Variants in UVSSA observed in about 807,000 individuals in gnomAD.
UVSSA encodes UV-stimulated scaffold protein A.
A neutral mutation model predicts 73.9 loss-of-function variants in UVSSA; 72 were observed. The observed-to-expected ratio is 0.97, with a 90% CI of 0.81 to 1.19. UVSSA has a LOEUF of 1.19. UVSSA is among the 50% of genes most tolerant of loss of function. UVSSA has a pLI of 0.00. For synonymous variants in UVSSA, 454 were observed against 391.3 expected (o/e 1.16, Z -1.89); for missense variants, 1,150 against 965.0 (o/e 1.19, Z -2.54).
At chr4:1,359,607 T>C (rs1403947859) in intron 7 of UVSSA, 1 of 152,242 alleles carries the variant, frequency 6.6e-6, no homozygotes, top group East Asian at 1.9e-4. Flanking sequence ...TTTCCGTGGC[T>C]GAAAGATACG....
At chr4:1,379,417 C>A (rs1051876178) in intron 10 of UVSSA, among the ~76,000 whole-genome samples, 1 of 152,258 alleles carries the variant, frequency 6.6e-6, no homozygotes, top group Non-Finnish European at 1.5e-5. Flanking sequence ...CATCCCATGG[C>A]ATCCGCCGGA....
chr4:1,381,302 C>G (rs1719470120), intron 12 of UVSSA, among the ~76,000 whole-genome samples: 1 of 152,250 alleles, frequency 6.6e-6, no homozygotes, highest in Non-Finnish European at 1.5e-5. Context: ...CTCGTGTTTT[C>G]AGGCAGGTGA....
rs758153489 is a variant in UVSSA at position 1,351,716 on chromosome 4, T to A, written c.431T>A (p.Val144Glu). 49 of 1,612,826 alleles carry A rather than the reference T, an allele frequency of 3.0e-5. No individual in the cohort carries two copies. In the Admixed American group the frequency reaches 8.0e-4, roughly 26 times the overall value. ...GYHFLRHNKK[V>E]DFQDTNARSL... ...TAGTCTTTATTTTCAATTGCTCAGG[T>A]GGATTTTCAAGACACGAATGCTCGG... The change falls in exon 4 of 14, where the codon GTG becomes GAG. Residue 144 changes from valine (V) to glutamate (E), a missense_variant and splice_region_variant. By Grantham distance (121) the Val-to-Glu change is moderately radical. Coordinates refer to ENST00000389851, the MANE Select transcript of UVSSA (RefSeq NM_020894.4).
At chr4:1,394,271 C>T in exon 14 of UVSSA, 1 of 786,558 alleles carries the variant, frequency 1.3e-6, no homozygotes, top group Non-Finnish European at 2.0e-6. Context: ...ATCTTCCTTT[C>T]ATGAGTTATG....
downstream of UVSSA, chr4:1,389,878 C>G (rs1720364798): frequency 1.3e-5 from 2 of 152,154 alleles, no homozygotes; most frequent in Admixed American, 1.3e-4. Flanking sequence ...TTTTACTCCC[C>G]TTAGTCTAGC....
intron 10 of UVSSA, among the ~76,000 whole-genome samples, chr4:1,376,650 A>G (rs944101271): frequency 6.6e-6 from 1 of 152,064 alleles, no homozygotes; most frequent in Admixed American, 6.5e-5. Flanking sequence ...CCCTCACCGC[A>G]CTGGCCTCTT....
intron 13 of UVSSA, chr4:1,385,528 C>T: frequency 3.1e-6 from 1 of 324,596 alleles, no homozygotes; most frequent in Non-Finnish European, 5.9e-6. Flanking sequence ...GAGGCCGCTC[C>T]CCGGGAGGCC....
chr4:1,345,648 A>G (rs1368769515), upstream of UVSSA, among the ~76,000 whole-genome samples: 3 of 58,854 alleles, frequency 5.1e-5, no homozygotes, highest in African/African-American at 1.3e-4. Flanking sequence ...TTGTCTCAAA[A>G]AAAAAAAAAA....
chr4:1,391,356 G>C (rs965950228), downstream of UVSSA: 2 of 152,298 alleles, frequency 1.3e-5, no homozygotes, highest in African/African-American at 2.4e-5. Context: ...TTGGTTTGTA[G>C]TCTGATTGTT....
intron 8 of UVSSA, among the ~76,000 whole-genome samples, chr4:1,367,122 A>G (rs1717435369): frequency 6.6e-6 from 1 of 152,192 alleles, no homozygotes; most frequent in Non-Finnish European, 1.5e-5. Context: ...ACTCCACGGC[A>G]AGGGGCTCTT....
rs1183090865 is a variant in UVSSA at position 1,386,857 on chromosome 4, A to G, written c.*896A>G. 31 of 152,022 alleles carry G rather than the reference A, an allele frequency of 2.0e-4. No individual in the cohort carries two copies. The highest frequency in any genetic ancestry group is 1.9e-3 in the Admixed American group (29 of 15,248). 9.4% of individuals were successfully genotyped at this position (152,022 alleles called of 1,614,324 possible). ...GTCAGCCTCCCAGGTAGCTGGGACT[A>G]CAGGCACACACCACAACACCTGGCT... On this transcript the variant is annotated 3_prime_UTR_variant, in exon 14 of 14. Coordinates refer to ENST00000389851, the MANE Select transcript of UVSSA (RefSeq NM_020894.4).
intron 8 of UVSSA, among the ~76,000 whole-genome samples, chr4:1,371,056 C>T (rs900960009): frequency 3.9e-5 from 6 of 152,226 alleles, no homozygotes; most frequent in African/African-American, 7.2e-5. Flanking sequence ...ATTCCCGGCT[C>T]TGCACATTGG....
At chr4:1,360,082 C>T (rs183801564) in intron 7 of UVSSA, among the ~76,000 whole-genome samples, 1 of 152,352 alleles carries the variant, frequency 6.6e-6, no homozygotes, top group East Asian at 1.9e-4. Context: ...TTGTACCGCC[C>T]TAGGGCTGGG....
intron 4 of UVSSA, among the ~76,000 whole-genome samples, chr4:1,352,064 T>A (rs1714851438): frequency 1.3e-5 from 2 of 152,254 alleles, no homozygotes; most frequent in African/African-American, 2.4e-5. Context: ...GCCCGTTCGC[T>A]GCGCGGACCT....
chr4:1,370,243 C>T (rs1560465010), intron 8 of UVSSA, among the ~76,000 whole-genome samples: 1 of 152,228 alleles, frequency 6.6e-6, no homozygotes, highest in African/African-American at 2.4e-5. Flanking sequence ...TTGCCTCCGT[C>T]ACTGTGAGCA....
intron 7 of UVSSA, 83 bp downstream of exon 7, chr4:1,355,328 C>A: frequency 7.2e-7 from 1 of 1,396,872 alleles, no homozygotes; most frequent in Non-Finnish European, 9.8e-7. Context: ...GTGCCCTGGG[C>A]CTGTGGGCCC....
intron 9 of UVSSA, among the ~76,000 whole-genome samples, chr4:1,375,778 G>A (rs913799266): frequency 3.9e-5 from 6 of 152,252 alleles, no homozygotes; most frequent in African/African-American, 1.4e-4. Context: ...CAGGGCTGGG[G>A]TTTGAGAGGC....
chr4:1,371,131 C>A (rs1717976207), intron 8 of UVSSA, among the ~76,000 whole-genome samples: 1 of 152,160 alleles, frequency 6.6e-6, no homozygotes. Context: ...TCAGTGACAG[C>A]ATGCCTGTAA....
In UVSSA at chr4:1,364,342, G is replaced by A. The variant is rs1177303703; in HGVS notation, c.1177-1978G>A. 2.6e-4 allele frequency among the ~76,000 whole-genome samples: 39 copies of A among 149,396 alleles called. 5 individuals are homozygous for A. The highest frequency in any genetic ancestry group is 3.5e-3 in the Middle Eastern group (1 of 284). Reference sequence around the variant, plus strand: ...CTCCGTGGGGGCCACCTCCCCGCACGGTGCTGGTGCGCGGGCCCCGTGGCC... The same window carrying A: ...CTCCGTGGGGGCCACCTCCCCGCACAGTGCTGGTGCGCGGGCCCCGTGGCC... On this transcript the variant is annotated intron_variant, in intron 7 of 13. Coordinates refer to ENST00000389851, the MANE Select transcript of UVSSA (RefSeq NM_020894.4).
Sources: allele counts gnomAD v4.1 joint callset (sites outside exome capture counted in the v4.1 genomes callset), GRCh38; gene constraint gnomAD v4.1.1; transcripts MANE v1.5; gene names NCBI Gene and HGNC (gene_info 2026-07-23, HGNC 2026-07-21).